Variants in PCDHGA11 observed in about 807,000 individuals in gnomAD.
PCDHGA11 encodes the protein protocadherin gamma-A11.
In PCDHGA11, 39 loss-of-function variants were observed where a neutral mutation model predicts 60.4. The observed-to-expected ratio is 0.65, with a 90% CI of 0.50 to 0.84. PCDHGA11 has a LOEUF of 0.84. Ranked by LOEUF, PCDHGA11 falls within the 40% of genes least tolerant of loss-of-function variation. The probability of loss-of-function intolerance (pLI) is 0.00; values close to 1 mark genes in which losing one functional copy is unlikely to be tolerated. For synonymous variants in PCDHGA11, 533 were observed against 510.3 expected, an observed-to-expected ratio of 1.04 and a Z score of -0.60; for missense variants, 1,165 against 1,197.7, an observed-to-expected ratio of 0.97 and a Z score of 0.40.
At position 141,490,874 on chromosome 5, in the gene PCDHGA11, A is replaced by T. The variant is rs368927472; in HGVS notation, c.2434-3933A>T. 2 of 1,613,948 alleles carry T rather than the reference A, an allele frequency of 1.2e-6. No homozygotes were observed. Among genetic ancestry groups the T allele is most frequent in the Non-Finnish European group, 1.7e-6 (2 of 1,179,952 alleles). On this transcript the variant is annotated intron_variant, in intron 1 of 3. Transcript: ENST00000398587. The surrounding 1 kb of genome is among the most constrained non-coding windows in gnomAD (Gnocchi z 5.4). The stretch of plus-strand genomic sequence containing the variant: ...CGAGACTCCGGCTCTCCCCCATTGC[A>T]TGCCAACACATCTCTGCATGTGTTT...
chr5:141,429,426 G>C (rs992784469), intron 1 of PCDHGA11, among the ~76,000 whole-genome samples: 3 of 151,724 alleles, frequency 2.0e-5, no homozygotes, highest in African/African-American at 4.8e-5. Context: ...TGTTGCCCAG[G>C]CTGGACTCAA....
intron 1 of PCDHGA11, chr5:141,440,535 G>A (rs1305958587): frequency 1.3e-5 from 2 of 152,154 alleles, no homozygotes; most frequent in East Asian, 1.9e-4. Flanking sequence ...CATGCACCAC[G>A]GTTCAGCAGG....
chr5:141,472,183 A>G (rs2099273731), intron 1 of PCDHGA11, among the ~76,000 whole-genome samples: 1 of 152,190 alleles, frequency 6.6e-6, no homozygotes, highest in South Asian at 2.1e-4. Flanking sequence ...CCAGTATTGG[A>G]ATTTGAATCT....
intron 1 of PCDHGA11, among the ~76,000 whole-genome samples, chr5:141,482,800 G>A (rs10052648): frequency 7.6e-6 from 1 of 130,764 alleles, no homozygotes; most frequent in South Asian, 2.2e-4. Flanking sequence ...GGCCGGGTAC[G>A]GTGGCTCATG....
chr5:141,457,193 A>G (rs2154565853), intron 1 of PCDHGA11, among the ~76,000 whole-genome samples: 1 of 152,356 alleles, frequency 6.6e-6, no homozygotes, highest in African/African-American at 2.4e-5. Flanking sequence ...GAGTGAGGAA[A>G]GCAGTTCCCA....
chr5:141,426,086 G>A (rs751467304), intron 1 of PCDHGA11, among the ~76,000 whole-genome samples: 5 of 152,218 alleles, frequency 3.3e-5, no homozygotes, highest in Non-Finnish European at 7.3e-5. Context: ...CTACCAGGAC[G>A]ATATTCTGTT....
chr5:141,462,408 A>G (rs1240372917), intron 1 of PCDHGA11, among the ~76,000 whole-genome samples: 2 of 152,188 alleles, frequency 1.3e-5, no homozygotes, highest in Non-Finnish European at 2.9e-5. Context: ...ATGGCACAGA[A>G]TATGGTCTAT....
Position 141,422,879 on chromosome 5 carries a change from T to A in PCDHGA11, c.1652T>A (p.Leu551Gln). ...CTCAGCAGCAACGTGTCGCTGAGCC[T>A]GTTCGTGCTGGACCAGAACGACAAT... is the stretch of plus-strand genomic sequence containing the variant. ...PPLSSNVSLS[L>Q]FVLDQNDNAP... The change falls in exon 1 of 4, where the codon CTG becomes CAG. Residue 551 changes from leucine (L) to glutamine (Q), a missense_variant. Transcript: ENST00000398587. 1 of 1,614,240 alleles carries A rather than the reference T, an allele frequency of 6.2e-7. No homozygotes were observed. The highest frequency in any genetic ancestry group is 8.5e-7 in the Non-Finnish European group (1 of 1,180,046).
At chr5:141,466,034 A>T (rs189202430) in intron 1 of PCDHGA11, among the ~76,000 whole-genome samples, 1,557 of 152,178 alleles carry the variant, frequency 0.01, 35 homozygotes, top group African/African-American at 0.035. Flanking sequence ...AGGCAGGAGA[A>T]CGGCATGAAC....
chr5:141,432,288 A>C lies in PCDHGA11; in HGVS notation c.2433+8628A>C. ...TCGTCCTACGTGTCCATCAACTCCG[A>C]CACTGGGGTACTGTATGCGCTGAGC... On this transcript the variant is annotated intron_variant, in intron 1 of 3. Coordinates refer to ENST00000398587, the MANE Select transcript of PCDHGA11 (RefSeq NM_018914.3). This position sits in a 1 kb window ranked among gnomAD's most constrained non-coding sequence, Gnocchi z 6.0. 1 of 1,614,192 alleles carries C rather than the reference A, an allele frequency of 6.2e-7. No individual in the cohort carries two copies. Among genetic ancestry groups the C allele is most frequent in the Non-Finnish European group, 8.5e-7 (1 of 1,180,018 alleles).
chr5:141,431,325 G>A lies in PCDHGA11; in HGVS notation c.2433+7665G>A. On this transcript the variant is annotated intron_variant, in intron 1 of 3. Transcript: ENST00000398587. The surrounding 1 kb of genome is among the most constrained non-coding windows in gnomAD (Gnocchi z 4.8). ...ATCGTGCAAAATGGAGCCGACGGTA[G>A]TAAGTACCCCGAATTGGTGCTGAAA... is the stretch of plus-strand genomic sequence containing the variant. 6.2e-7 allele frequency: 1 copy of A among 1,614,144 alleles called. No homozygotes were observed. The highest frequency in any genetic ancestry group is 8.5e-7 in the Non-Finnish European group (1 of 1,180,052).
chr5:141,467,672 AT>A (rs1199631144), intron 1 of PCDHGA11, among the ~76,000 whole-genome samples: 1 of 151,634 alleles, frequency 6.6e-6, no homozygotes, highest in Non-Finnish European at 1.5e-5. Context: ...GAAGATTTTT[AT>A]TTTTTTTAGA....
rs1224515106 is a variant in PCDHGA11 at position 141,491,453 on chromosome 5, C to T, written c.2434-3354C>T. On this transcript the variant is annotated intron_variant, in intron 1 of 3. Transcript: ENST00000398587. The surrounding 1 kb of genome is among the most constrained non-coding windows in gnomAD (Gnocchi z 6.9). ...TGCTGCAGGCGCCAGGACTCACCCT[C>T]CCCGGACTTCTATAAGCAGTCCAGC... The T allele has an allele frequency of 6.2e-6, 10 of 1,614,120 alleles. No homozygotes were observed. The highest frequency in any genetic ancestry group is 8.5e-6 in the Non-Finnish European group (10 of 1,180,028).
chr5:141,457,891 T>C (rs2154566084), intron 1 of PCDHGA11, among the ~76,000 whole-genome samples: 1 of 152,346 alleles, frequency 6.6e-6, no homozygotes, highest in South Asian at 2.1e-4. Context: ...GTGTGGGGAC[T>C]GTGTAGACAA....
intron 1 of PCDHGA11, among the ~76,000 whole-genome samples, chr5:141,466,514 T>C (rs1276000407): frequency 6.6e-6 from 1 of 152,226 alleles, no homozygotes; most frequent in Non-Finnish European, 1.5e-5. Context: ...AAGATCATTT[T>C]TTTTCCTCCC....
At chr5:141,468,802 C>G (rs928501013) in intron 1 of PCDHGA11, among the ~76,000 whole-genome samples, 1 of 151,620 alleles carries the variant, frequency 6.6e-6, no homozygotes, top group African/African-American at 2.4e-5. Context: ...GGAGGCGGAA[C>G]TTGCAGTGAG....
At position 141,485,348 on chromosome 5, in the gene PCDHGA11, C is replaced by A; in HGVS notation, c.2434-9459C>A. ...AGATTTCCTGCTGGATACGGACAGT[C>A]TGTCAGCTCGCAGGCTGCAGGTCGC... On this transcript the variant is annotated intron_variant, in intron 1 of 3. Coordinates refer to ENST00000398587, the MANE Select transcript of PCDHGA11 (RefSeq NM_018914.3). This position sits in a 1 kb window ranked among gnomAD's most constrained non-coding sequence, Gnocchi z 5.7. 6.2e-7 allele frequency: 1 copy of A among 1,614,146 alleles called. No individual in the cohort carries two copies. Among genetic ancestry groups the A allele is most frequent in the Non-Finnish European group, 8.5e-7 (1 of 1,180,008 alleles).
intron 1 of PCDHGA11, chr5:141,433,012 G>A (rs1402902269): frequency 2.5e-6 from 4 of 1,614,054 alleles, no homozygotes; most frequent in Non-Finnish European, 3.4e-6. Flanking sequence ...CTTTCCTGCA[G>A]ACCTATTCCC....
intron 1 of PCDHGA11, chr5:141,427,552 C>T (rs1233231671): frequency 1.5e-6 from 1 of 645,244 alleles, no homozygotes; most frequent in South Asian, 1.5e-5. Context: ...ATCACTGCCA[C>T]TGACAAGGGC....
Sources: gnomAD v4.1 joint callset for allele counts (sites outside exome capture counted in the v4.1 genomes callset) on GRCh38, gnomAD v4.1.1 for gene constraint, Gnocchi (gnomAD v3.1) non-coding constraint, MANE v1.5 for transcripts, NCBI Gene and HGNC (gene_info 2026-07-23, HGNC 2026-07-21) for gene names.